The following ANAPC2 variants were observed in gnomAD, a reference collection of about 807,000 sequenced individuals.
ANAPC2 encodes anaphase promoting complex subunit 2, also known as anaphase-promoting complex subunit 2.
ANAPC2 carries 29 observed loss-of-function variants against 84.3 expected under a neutral mutation model. That is an observed-to-expected ratio of 0.34 (90% CI 0.26 to 0.47). The LOEUF (loss-of-function observed/expected upper bound fraction) is 0.47. Ranked by LOEUF, ANAPC2 falls within the 20% of genes least tolerant of loss-of-function variation. The pLI, the probability that ANAPC2 is intolerant of heterozygous loss-of-function variation, is 1.00. For missense variants in ANAPC2, 857 were observed against 1,131.7 expected (o/e 0.76, Z 3.48); for synonymous variants, 571 against 479.4 (o/e 1.19, Z -2.50).
chr9:137,180,983 G>A lies in ANAPC2; in HGVS notation c.1469-54C>T, dbSNP rs533210751. On this transcript the variant is annotated intron_variant, in intron 7 of 12. Coordinates refer to ENST00000323927, the MANE Select transcript of ANAPC2 (RefSeq NM_013366.4). ...TGACAGGCACCTGGGCAAGGACAGG[G>A]CCGCCCTCCTCCCATCCCGCCCAGC... is the stretch of plus-strand genomic sequence containing the variant. The A allele has an allele frequency of 5.3e-5, 84 of 1,593,826 alleles. No individual in the cohort carries two copies. The African/African-American group carries it at 9.2e-4, about 17-fold the overall frequency.
At chr9:137,188,235 G>A in intron 1 of ANAPC2, 132 bp from the exon 2 acceptor site, 1 of 1,347,896 alleles carries the variant, frequency 7.4e-7, no homozygotes, top group Non-Finnish European at 1.0e-6. Flanking sequence ...ACGTTGGGCC[G>A]AAGCTATGGA....
At chr9:137,185,296 C>A (rs770746510) in intron 3 of ANAPC2, among the ~76,000 whole-genome samples, 1 of 152,228 alleles carries the variant, frequency 6.6e-6, no homozygotes, top group Non-Finnish European at 1.5e-5. Flanking sequence ...CTGCAGTCTT[C>A]GTGCCTCTCA....
intron 7 of ANAPC2, 34 bp downstream of exon 7, chr9:137,181,647 C>T: frequency 6.5e-7 from 1 of 1,548,534 alleles, no homozygotes; most frequent in Non-Finnish European, 8.8e-7. Flanking sequence ...GCGCCCCCCA[C>T]ACTGGTGAAA....
chr9:137,186,376 A>G lies in ANAPC2; in HGVS notation c.741-20T>C, dbSNP rs1303231563. ...CTGTGTCTAGAGGAGAGCCCTGGCCATGGGGCACCCAGAGCACACACCGGC... is the reference window on the plus strand; with the variant it reads ...CTGTGTCTAGAGGAGAGCCCTGGCCGTGGGGCACCCAGAGCACACACCGGC... On this transcript the variant is annotated intron_variant, in intron 2 of 12. Transcript: ENST00000323927. The G allele has an allele frequency of 7.6e-6, 12 of 1,583,452 alleles. No homozygotes were observed. Among genetic ancestry groups the G allele is most frequent in the African/African-American group, 2.7e-5 (2 of 74,116 alleles).
At chr9:137,185,701 G>C (rs1182689014) in intron 3 of ANAPC2, among the ~76,000 whole-genome samples, 1 of 152,182 alleles carries the variant, frequency 6.6e-6, no homozygotes, top group Non-Finnish European at 1.5e-5. Flanking sequence ...ACAGGATGGG[G>C]GGACCCACAT....
Position 137,186,331 on chromosome 9 carries a change from C to G in ANAPC2, c.766G>C (p.Val256Leu), listed in dbSNP as rs1216496213. ...VLHRLSLLER[V>L]SAEAVTTTLH... ...GTGGTGGTCACAGCCTCGGCACTGA[C>G]CCGCTCCAGCAGACTGAGCCTGTGT... The change falls in exon 3 of 13, where the codon GTC (valine) becomes CTC (leucine). Residue 256 changes from valine to leucine, a missense_variant. Val to Leu is a conservative substitution (Grantham distance 32). This residue lies in a region of ANAPC2 where 428 missense variants were observed against 513.8 expected (regional missense o/e 0.83). Coordinates refer to ENST00000323927, the MANE Select transcript of ANAPC2 (RefSeq NM_013366.4). 2 of 1,609,016 alleles carry G rather than the reference C, an allele frequency of 1.2e-6. No homozygotes were observed. Among genetic ancestry groups the G allele is most frequent in the Non-Finnish European group, 1.7e-6 (2 of 1,178,816 alleles).
intron 10 of ANAPC2, among the ~76,000 whole-genome samples, chr9:137,179,903 C>G (rs1223537948): frequency 6.6e-6 from 1 of 152,270 alleles, no homozygotes; most frequent in Non-Finnish European, 1.5e-5. Context: ...ACAGGGGTCC[C>G]CCTGAAGCAG....
rs751233689 is a variant in ANAPC2 at position 137,175,794 on chromosome 9, G to A, written c.1934C>T (p.Thr645Ile). Reference sequence around the variant, plus strand: ...GCGGTCGGCCAGCTCCACGTCCATGGTCACCAGGCCCAGGGTGTGCTTCCA... The same window carrying A: ...GCGGTCGGCCAGCTCCACGTCCATGATCACCAGGCCCAGGGTGTGCTTCCA... Reference protein sequence around the residue: ...LSWKHTLGLVTMDVELADRTL... With the variant: ...LSWKHTLGLVIMDVELADRTL... The change falls in exon 11 of 13, where the codon ACC becomes ATC. Residue 645 changes from threonine (T) to isoleucine (I), a missense_variant. By Grantham distance (89) the Thr-to-Ile change is moderately conservative. Around this residue, in one of 3 missense-constraint regions of ANAPC2, gnomAD observed 425 missense variants for 595.5 expected, o/e 0.71. Coordinates refer to ENST00000323927, the MANE Select transcript of ANAPC2 (RefSeq NM_013366.4). 6.2e-7 allele frequency: 1 copy of A among 1,610,406 alleles called. No homozygotes were observed. Among genetic ancestry groups the A allele is most frequent in the Non-Finnish European group, 8.5e-7 (1 of 1,178,752 alleles).
intron 10 of ANAPC2, among the ~76,000 whole-genome samples, 155 bp downstream of exon 10, chr9:137,180,026 G>A (rs79358380): frequency 0.015 from 2,272 of 152,318 alleles, 57 homozygotes; most frequent in African/African-American, 0.049. Context: ...CGTGGGCCAG[G>A]CCCACTCCCT....
chr9:137,175,231 G>T lies in ANAPC2; in HGVS notation c.2256+6C>A. Reference sequence around the variant, plus strand: ...CCCTGGCCCCCCGTGGGGCCTGCACGCGCACCAGCAGCTCCTCCTCCTTCT... The same window carrying T: ...CCCTGGCCCCCCGTGGGGCCTGCACTCGCACCAGCAGCTCCTCCTCCTTCT... On this transcript the variant is annotated splice_donor_region_variant and intron_variant, in intron 12 of 12. Transcript: ENST00000323927. 6.2e-7 allele frequency: 1 copy of T among 1,611,184 alleles called. No individual in the cohort carries two copies. Among genetic ancestry groups the T allele is most frequent in the Non-Finnish European group, 8.5e-7 (1 of 1,179,296 alleles).
At chr9:137,175,610 CGCAG>C in intron 11 of ANAPC2, 94 bp downstream of exon 11, 1 of 1,507,492 alleles carries the variant, frequency 6.6e-7, no homozygotes, top group Non-Finnish European at 8.9e-7. Context: ...CGCCTGCTGG[CGCAG>C]CTGCCCCAAA....
chr9:137,178,741 A>ACTCTTC (rs1834276989), intron 10 of ANAPC2, among the ~76,000 whole-genome samples: 1 of 149,448 alleles, frequency 6.7e-6, no homozygotes, highest in Non-Finnish European at 1.5e-5. Flanking sequence ...GCTGCAAGGG[A>ACTCTTC]CACCTGGACT....
Position 137,174,929 on chromosome 9 carries a change from G to GGCGGGCGGGCGA in ANAPC2, c.*12_*13insTCGCCCGCCCGC. On this transcript the variant is annotated 3_prime_UTR_variant, in exon 13 of 13. Transcript: ENST00000323927. The surrounding 1 kb of genome is among the most constrained non-coding windows in gnomAD (Gnocchi z 6.1). ...GCAGCGCCTGGCGGGCGGGCGGGCG[G>GGCGGGCGGGCGA]GCGGGCGATGTGTCAGCTGCAGTTC... 9.6e-7 allele frequency: 1 copy of GGCGGGCGGGCGA among 1,043,834 alleles called. No individual in the cohort carries two copies. The highest frequency in any genetic ancestry group is 1.3e-6 in the Non-Finnish European group (1 of 746,992). The allele number at this position is 1,043,834 out of a possible 1,614,324, so 64.7% of individuals were successfully genotyped here.
chr9:137,185,012 C>T lies in ANAPC2; in HGVS notation c.949G>A (p.Ala317Thr). Residue 317 changes from alanine to threonine, a missense_variant, in exon 4 of 13, where the codon GCC becomes ACC. Ala to Thr is a moderately conservative substitution (Grantham distance 58). Transcript: ENST00000323927. The part of the protein sequence containing the change: ...DGPARPASPE[A>T]GNTLRRWRCH... ...CGCCAGCGGCGCAGGGTGTTGCCGG[C>T]CTCGGGAGATGCGGGCCTGGCGGGG... 1.2e-6 allele frequency: 2 copies of T among 1,605,044 alleles called. No individual in the cohort carries two copies. Among genetic ancestry groups the T allele is most frequent in the South Asian group, 2.2e-5 (2 of 89,714 alleles).
At chr9:137,181,621 G>A (rs557011313) in intron 7 of ANAPC2, 60 bp downstream of exon 7, 466 of 1,490,284 alleles carry the variant, frequency 3.1e-4, no homozygotes, top group Non-Finnish European at 3.8e-4. Context: ...AGTCCAGAGC[G>A]GACGGCCTGG....
chr9:137,181,947 A>C, intron 6 of ANAPC2, 85 bp from the exon 7 acceptor site: 1 of 1,449,064 alleles, frequency 6.9e-7, no homozygotes, highest in Non-Finnish European at 9.2e-7. Flanking sequence ...GGCCCCATCT[A>C]GGCCAGCACC....
At chr9:137,180,606 C>A in intron 8 of ANAPC2, 79 bp from the exon 9 acceptor site, 1 of 1,586,556 alleles carries the variant, frequency 6.3e-7, no homozygotes, top group Non-Finnish European at 8.6e-7. Context: ...CACGGGGGTG[C>A]CCCCCAGGCA....
At chr9:137,176,863 T>C (rs890300244) in intron 10 of ANAPC2, 3 of 152,250 alleles carry the variant, frequency 2.0e-5, no homozygotes, top group Non-Finnish European at 2.9e-5. Context: ...CCACCTGGCT[T>C]CTCCTTGCTA....
In ANAPC2 at chr9:137,187,702, G is replaced by A. The variant is rs1834508062; in HGVS notation, c.519C>T (p.Ile173=). 3.1e-6 allele frequency: 5 copies of A among 1,613,978 alleles called. No homozygotes were observed. The highest frequency in any genetic ancestry group is 2.2e-5 in the East Asian group (1 of 44,892). ...TCAAGAAGCACCCATACAGACGCTG[G>A]ATCATCTCTTGGAAGGTTCTGGGGG... ...FSTPRTFQEM[I]QRLYGCFLRV... is the part of the protein sequence containing the mutation. The change falls in exon 2 of 13, where the codon ATC becomes ATT. Residue 173 remains isoleucine (I), a synonymous_variant. Transcript: ENST00000323927.
Sources: allele counts gnomAD v4.1 joint callset (sites outside exome capture counted in the v4.1 genomes callset), GRCh38; gene constraint gnomAD v4.1.1; regional missense constraint gnomAD v4.1.1; non-coding constraint Gnocchi (gnomAD v3.1); transcripts MANE v1.5; gene names NCBI Gene and HGNC (gene_info 2026-07-23, HGNC 2026-07-21).